The following PPM1N variants were observed in gnomAD, a reference collection of about 807,000 sequenced individuals.
The protein encoded by PPM1N is probable protein phosphatase 1N.
Under a neutral mutation model 32.6 loss-of-function variants are expected in PPM1N, and 35 were observed. That is an observed-to-expected ratio of 1.07 (90% CI 0.82 to 1.43). The LOEUF is 1.43. Ranked by LOEUF, PPM1N falls within the 40% of genes most tolerant of loss-of-function variation. PPM1N has a pLI of 0.00. For missense variants in PPM1N, 648 were observed against 606.6 expected (o/e 1.07, Z -0.72); for synonymous variants, 275 against 270.5 (o/e 1.02, Z -0.16).
intron 1 of PPM1N, chr19:45,499,707 C>T: frequency 6.5e-7 from 1 of 1,545,124 alleles, no homozygotes; most frequent in Non-Finnish European, 8.7e-7. Flanking sequence ...TTGATTAGTG[C>T]TGGAAGGTGG....
chr19:45,501,469 T>G (rs1968413037), intron 4 of PPM1N, among the ~76,000 whole-genome samples: 1 of 152,014 alleles, frequency 6.6e-6, no homozygotes, highest in Non-Finnish European at 1.5e-5. Context: ...TGAGGGAGGA[T>G]TGTTGACAAT....
rs760901184 is a variant in PPM1N, at chr19:45,500,578, A to G, written c.1163+17A>G. 6 of 1,595,570 alleles carry G rather than the reference A, an allele frequency of 3.8e-6. No homozygotes were observed. In the African/African-American group the frequency reaches 4.0e-5, roughly 11 times the overall value. On this transcript the variant is annotated intron_variant, in intron 3 of 4. Coordinates refer to ENST00000451287, the MANE Select transcript of PPM1N (RefSeq NM_001080401.2). ...GGACTGCAAGTGAGTTGGGGTGAGG[A>G]AGGGTGGGGTGGAATGAGGGTGGGG...
rs990357589 is a variant in PPM1N, at chr19:45,499,664, C to T, written c.939+253C>T. 22 of 1,546,962 alleles carry T rather than the reference C, an allele frequency of 1.4e-5. No homozygotes were observed. In the Middle Eastern group the frequency reaches 6.7e-4, roughly 47 times the overall value. On this transcript the variant is annotated intron_variant, in intron 1 of 4. Transcript: ENST00000451287. ...AAGGGCGTGGTCTTTTGGAAAGGGG[C>T]GATTCTGGGTCGTAGGAGCCGGGCC...
In PPM1N at chr19:45,502,386, G is replaced by C; in HGVS notation, c.*301G>C. 1.9e-6 allele frequency: 1 copy of C among 524,356 alleles called. No individual in the cohort carries two copies. Among genetic ancestry groups the C allele is most frequent in the Non-Finnish European group, 3.2e-6 (1 of 309,362 alleles). 32.5% of individuals were successfully genotyped at this position (524,356 alleles called of 1,614,324 possible). On this transcript the variant is annotated 3_prime_UTR_variant, in exon 5 of 5. Transcript: ENST00000451287. The stretch of plus-strand genomic sequence containing the variant: ...AAATATTCAGAGCCGAACAGATTCT[G>C]AGAGATAACCCAGTCCAATAACCTC...
chr19:45,500,367 T>G (rs891869848), intron 2 of PPM1N, 89 bp from the exon 3 acceptor site: 1 of 1,205,028 alleles, frequency 8.3e-7, no homozygotes, highest in Non-Finnish European at 1.2e-6. Flanking sequence ...ACCCCTGGCC[T>G]CAAGTGATCC....
rs779676769 is a variant in PPM1N, at chr19:45,498,744, G to T, written c.272G>T (p.Gly91Val). The change falls in exon 1 of 5, where the codon GGT (glycine) becomes GTT (valine). Residue 91 changes from glycine to valine, a missense_variant. Physicochemically the swap from Gly to Val is moderately radical, Grantham distance 109. Coordinates refer to ENST00000451287, the MANE Select transcript of PPM1N (RefSeq NM_001080401.2). ...DAHCTWLSLP[G>V]LPPGWALFAV... The stretch of plus-strand genomic sequence containing the variant: ...CACTGCACTTGGCTTTCGTTACCTG[G>T]TCTGCCCCCGGGCTGGGCCTTGTTT... 5.1e-6 allele frequency: 8 copies of T among 1,555,554 alleles called. No individual in the cohort carries two copies. The East Asian group carries it at 2.0e-4, about 39-fold the overall frequency.
At position 45,498,798 on chromosome 19, in the gene PPM1N, G is replaced by T; in HGVS notation, c.326G>T (p.Arg109Leu). ...GTCCTCGACGGCCACGGTGGGGCTCGAGCTGCCCGCTTCGGTGCACGCCAT... is the reference window on the plus strand; with the variant it reads ...GTCCTCGACGGCCACGGTGGGGCTCTAGCTGCCCGCTTCGGTGCACGCCAT... Reference protein sequence around the residue: ...FAVLDGHGGARAARFGARHLP... With the variant: ...FAVLDGHGGALAARFGARHLP... The change falls in exon 1 of 5, where the codon CGA becomes CTA. Residue 109 changes from arginine (R) to leucine (L), a missense_variant. Transcript: ENST00000451287. The T allele has an allele frequency of 6.5e-7, 1 of 1,550,242 alleles. No homozygotes were observed.
rs747144764 is a variant in PPM1N at position 45,499,125 on chromosome 19, TCCG to T, written c.664_666del (p.Arg222del). ...CGCATCCACGCCGCTGGCGGCACCATCCGCCGCCGCCGCGTCGAGGGCTCTCTG... is the reference window on the plus strand; with the variant it reads ...CGCATCCACGCCGCTGGCGGCACCATCCGCCGCCGCGTCGAGGGCTCTCTG... On this transcript the variant is annotated inframe_deletion, in exon 1 of 5. Coordinates refer to ENST00000451287, the MANE Select transcript of PPM1N (RefSeq NM_001080401.2). The T allele has an allele frequency of 5.9e-6, 9 of 1,517,214 alleles. No homozygotes were observed. Among genetic ancestry groups the T allele is most frequent in the African/African-American group, 1.4e-5 (1 of 72,012 alleles). The allele number at this position is 1,517,214 out of a possible 1,614,324, so 94.0% of individuals were successfully genotyped here.
chr19:45,498,818 C>A lies in PPM1N; in HGVS notation c.346C>A (p.Arg116Ser). The A allele has an allele frequency of 6.5e-7, 1 of 1,544,942 alleles. No individual in the cohort carries two copies. Among genetic ancestry groups the A allele is most frequent in the Non-Finnish European group, 8.7e-7 (1 of 1,154,006 alleles). ...GGCTCGAGCTGCCCGCTTCGGTGCA[C>A]GCCATTTGCCAGGCCATGTGCTCCA... is the stretch of plus-strand genomic sequence containing the variant. ...GGARAARFGA[R>S]HLPGHVLQEL... The change falls in exon 1 of 5, where the codon CGC (arginine) becomes AGC (serine). Residue 116 changes from arginine to serine, a missense_variant. Transcript: ENST00000451287.
intron 2 of PPM1N, 23 bp downstream of exon 2, chr19:45,500,089 G>C (rs1968387533): frequency 6.4e-7 from 1 of 1,565,084 alleles, no homozygotes; most frequent in Non-Finnish European, 8.7e-7. Context: ...TGGGGGCCCA[G>C]CTGGAGGGGT....
chr19:45,498,754 G>T lies in PPM1N; in HGVS notation c.282G>T (p.Pro94=). 6.4e-7 allele frequency: 1 copy of T among 1,558,586 alleles called. No homozygotes were observed. The highest frequency in any genetic ancestry group is 1.2e-5 in the South Asian group (1 of 83,734). The stretch of plus-strand genomic sequence containing the variant: ...GGCTTTCGTTACCTGGTCTGCCCCC[G>T]GGCTGGGCCTTGTTTGCCGTCCTCG... ...CTWLSLPGLP[P]GWALFAVLDG... The change falls in exon 1 of 5, where the codon CCG becomes CCT. Residue 94 remains proline (P), a synonymous_variant. Transcript: ENST00000451287.
rs1487289167 is a variant in PPM1N at position 45,502,322 on chromosome 19, A to ACAAAAC, written c.*237_*238insCAAAAC. ...AAGCCCAAATCGAAAAAAAAAAAAA[A>ACAAAAC]AAAAAAAAAAAACAAAAAAACCCAA... On this transcript the variant is annotated 3_prime_UTR_variant, in exon 5 of 5. Coordinates refer to ENST00000451287, the MANE Select transcript of PPM1N (RefSeq NM_001080401.2). 9.3e-6 allele frequency: 5 copies of ACAAAAC among 536,142 alleles called. No homozygotes were observed. In the African/African-American group the frequency reaches 1.0e-4, roughly 11 times the overall value. 33.2% of individuals were successfully genotyped at this position (536,142 alleles called of 1,614,324 possible). A position where few individuals can be genotyped will look rare whatever the true frequency, so the allele number is the denominator to read the frequency against.
Position 45,502,079 on chromosome 19 carries a change from G to A in PPM1N, c.1287G>A (p.Glu429=). Residue 429 remains glutamate (E), a synonymous_variant, in exon 5 of 5, where the codon GAG becomes GAA. Transcript: ENST00000451287. ...ATTTGGGCTCAGCCTTGGACATGGA[G>A]GCCTGACAGCTGTTGTCCTTTGGGG... The part of the protein sequence containing the change: ...PTHLGSALDM[E]A The A allele has an allele frequency of 1.3e-6, 2 of 1,582,264 alleles. No homozygotes were observed. Among genetic ancestry groups the A allele is most frequent in the Admixed American group, 1.9e-5 (1 of 52,998 alleles).
In PPM1N at chr19:45,499,142, G is replaced by A. The variant is rs376167471; in HGVS notation, c.670G>A (p.Glu224Lys). 7.5e-5 allele frequency: 114 copies of A among 1,520,432 alleles called. No homozygotes were observed. The highest frequency in any genetic ancestry group is 2.6e-4 in the Admixed American group (12 of 46,578). 94.2% of individuals were successfully genotyped at this position (1,520,432 alleles called of 1,614,324 possible). ...AGGTIRRRRV[E>K]GSLAVSRALG... Reference sequence around the variant, plus strand: ...CGGCACCATCCGCCGCCGCCGCGTCGAGGGCTCTCTGGCCGTGTCGCGAGC... The same window carrying A: ...CGGCACCATCCGCCGCCGCCGCGTCAAGGGCTCTCTGGCCGTGTCGCGAGC... The change falls in exon 1 of 5, where the codon GAG becomes AAG. Residue 224 changes from glutamate (E) to lysine (K), a missense_variant. Transcript: ENST00000451287.
chr19:45,499,782 G>T (rs1221587980), intron 1 of PPM1N, 167 bp from the exon 2 acceptor site: 7 of 1,502,488 alleles, frequency 4.7e-6, no homozygotes, highest in Non-Finnish European at 6.2e-6. Flanking sequence ...TCAATTGGGA[G>T]CGCCTAGGAC....
intron 2 of PPM1N, 75 bp downstream of exon 2, chr19:45,500,141 CTTTT>C (rs5828239): frequency 9.1e-7 from 1 of 1,103,584 alleles, no homozygotes; most frequent in South Asian, 1.9e-5. Flanking sequence ...TTCTTTTTTT[CTTTT>C]TTTTTTTGAG....
chr19:45,501,453 T>C (rs974531931), intron 4 of PPM1N, among the ~76,000 whole-genome samples: 3 of 152,234 alleles, frequency 2.0e-5, no homozygotes, highest in African/African-American at 7.2e-5. Flanking sequence ...GTGATTATCA[T>C]GTTGATGAGG....
Position 45,498,557 on chromosome 19 carries a change from G to C in PPM1N, c.85G>C (p.Glu29Gln). 7.1e-7 allele frequency: 1 copy of C among 1,409,710 alleles called. No individual in the cohort carries two copies. Among genetic ancestry groups the C allele is most frequent in the Non-Finnish European group, 9.3e-7 (1 of 1,079,004 alleles). The allele number at this position is 1,409,710 out of a possible 1,614,324, so 87.3% of individuals were successfully genotyped here. A position where few individuals can be genotyped will look rare whatever the true frequency, so the allele number is the denominator to read the frequency against. Residue 29 changes from glutamate (E) to glutamine (Q), a missense_variant, in exon 1 of 5, where the codon GAG (glutamate) becomes CAG (glutamine). By Grantham distance (29) the Glu-to-Gln change is conservative. Coordinates refer to ENST00000451287, the MANE Select transcript of PPM1N (RefSeq NM_001080401.2). Reference protein sequence around the residue: ...KEREKEGREEEEEEEAGRRAP... With the variant: ...KEREKEGREEQEEEEAGRRAP... ...GAGGGAGAAGGAGGGGAGGGAGGAA[G>C]AGGAGGAGGAGGAGGCGGGGCGCAG...
At position 45,499,743 on chromosome 19, in the gene PPM1N, CG is replaced by C. The variant is rs1568628955; in HGVS notation, c.940-204del. The C allele has an allele frequency of 2.0e-6, 3 of 1,528,366 alleles. No individual in the cohort carries two copies. In the African/African-American group the frequency reaches 4.1e-5, roughly 21 times the overall value. The allele number at this position is 1,528,366 out of a possible 1,614,324, so 94.7% of individuals were successfully genotyped here. On this transcript the variant is annotated intron_variant, in intron 1 of 4. Transcript: ENST00000451287. ...AAGAGCAGGTAAACATCAGAGCGGGCGGAGCTTTAGGGAAAAGGCATTGTTC... is the reference window on the plus strand; with the variant it reads ...AAGAGCAGGTAAACATCAGAGCGGGCGAGCTTTAGGGAAAAGGCATTGTTC...
Sources: gnomAD v4.1 joint callset for allele counts (sites outside exome capture counted in the v4.1 genomes callset) on GRCh38, gnomAD v4.1.1 for gene constraint, MANE v1.5 for transcripts, NCBI Gene and HGNC (gene_info 2026-07-23, HGNC 2026-07-21) for gene names.